The following TBL1XR1 variants were observed in gnomAD, a reference collection of about 807,000 sequenced individuals.
The protein encoded by TBL1XR1 is F-box-like/WD repeat-containing protein TBL1XR1.
In TBL1XR1, 5 loss-of-function variants were observed where a neutral mutation model predicts 66.9. The observed-to-expected ratio is 0.07, with a 90% confidence interval of 0.04 to 0.16. The LOEUF is 0.16. Ranked by LOEUF, TBL1XR1 falls within the 10% of genes least tolerant of loss-of-function variation. The probability of loss-of-function intolerance (pLI) is 1.00; values close to 1 mark genes in which losing one functional copy is unlikely to be tolerated. For synonymous variants in TBL1XR1, 210 were observed against 206.0 expected, an observed-to-expected ratio of 1.02 and a Z score of -0.17; for missense variants, 238 against 623.2, an observed-to-expected ratio of 0.38 and a Z score of 6.58.
chr3:177,133,009 C>T (rs1728481880), intron 1 of TBL1XR1, among the ~76,000 whole-genome samples: 1 of 152,226 alleles, frequency 6.6e-6, no homozygotes, highest in African/African-American at 2.4e-5. Context: ...AATGAATCGG[C>T]CAGGTGCGGT....
intron 14 of TBL1XR1, among the ~76,000 whole-genome samples, chr3:177,029,092 T>C (rs867553578): frequency 6.0e-5 from 9 of 150,742 alleles, no homozygotes; most frequent in African/African-American, 1.9e-4. Context: ...CTCAGTGATA[T>C]CTATAAGGAA....
At chr3:177,060,092 G>A (rs1053057936) in intron 3 of TBL1XR1, among the ~76,000 whole-genome samples, 2 of 152,110 alleles carry the variant, frequency 1.3e-5, no homozygotes, top group African/African-American at 4.8e-5. Context: ...TTTGGGACTT[G>A]GACTGATCCA....
At chr3:177,045,335 T>C (rs559744605) in intron 10 of TBL1XR1, among the ~76,000 whole-genome samples, 1 of 152,198 alleles carries the variant, frequency 6.6e-6, no homozygotes, top group East Asian at 1.9e-4. Context: ...CCACTGGGTA[T>C]CTTGTTCCAG....
chr3:177,163,024 G>C (rs1412657150), intron 1 of TBL1XR1, among the ~76,000 whole-genome samples: 1 of 152,152 alleles, frequency 6.6e-6, no homozygotes, highest in Non-Finnish European at 1.5e-5. Flanking sequence ...CGTATCCTTT[G>C]ACCCAGCAAT....
chr3:177,117,368 G>A (rs1341034467), intron 1 of TBL1XR1, among the ~76,000 whole-genome samples: 2 of 152,070 alleles, frequency 1.3e-5, no homozygotes, highest in Admixed American at 1.3e-4. Context: ...ATTTAATAAG[G>A]CTTCCATTAA....
At chr3:177,059,215 G>A (rs1718196680) in intron 3 of TBL1XR1, among the ~76,000 whole-genome samples, 1 of 152,126 alleles carries the variant, frequency 6.6e-6, no homozygotes, top group South Asian at 2.1e-4. Flanking sequence ...CGAATACACT[G>A]GTAATGTCTG....
intron 1 of TBL1XR1, among the ~76,000 whole-genome samples, chr3:177,162,248 TAC>T (rs1732302919): frequency 6.6e-6 from 1 of 152,134 alleles, no homozygotes. Context: ...AAAAAGAAAC[TAC>T]TGCTTGATAC....
intron 1 of TBL1XR1, chr3:177,099,591 T>A (rs1454960219): frequency 6.6e-6 from 1 of 152,266 alleles, no homozygotes; most frequent in African/African-American, 2.4e-5. Context: ...TTATGCCACA[T>A]ACACTATCCC....
chr3:177,090,605 G>A (rs1560163883), intron 2 of TBL1XR1, among the ~76,000 whole-genome samples: 1 of 150,724 alleles, frequency 6.6e-6, no homozygotes, highest in South Asian at 2.1e-4. Context: ...GGTGGATCAC[G>A]AGGTCAGGAG....
At position 177,133,876 on chromosome 3, in the gene TBL1XR1, CAAAAAAAA is replaced by C. The variant is rs541940840; in HGVS notation, c.-121-35343_-121-35336del. 6.6e-5 allele frequency among the ~76,000 whole-genome samples: 7 copies of C among 105,748 alleles called. 1 individual carries two copies. Among genetic ancestry groups the C allele is most frequent in the East Asian group, 2.7e-4 (1 of 3,740 alleles). The allele number at this position is 105,748 out of a possible 152,430, so 69.4% of individuals were successfully genotyped here. On this transcript the variant is annotated intron_variant, in intron 1 of 15. Transcript: ENST00000457928. ...GGGCGAAAGAGTGAGACTCCTATCT[CAAAAAAAA>C]AAAAAAAAAAAGTAACACTCCATGT...
At chr3:177,150,562 C>T (rs147359521) in intron 1 of TBL1XR1, among the ~76,000 whole-genome samples, 3 of 152,222 alleles carry the variant, frequency 2.0e-5, no homozygotes, top group Non-Finnish European at 4.4e-5. Context: ...AATACGATGT[C>T]TCTTTGAAGT....
At chr3:177,060,448 G>A (rs2108524524) in intron 3 of TBL1XR1, among the ~76,000 whole-genome samples, 1 of 152,210 alleles carries the variant, frequency 6.6e-6, no homozygotes, top group East Asian at 1.9e-4. Flanking sequence ...CTGTTTCATA[G>A]CTTCCAACAG....
intron 3 of TBL1XR1, among the ~76,000 whole-genome samples, chr3:177,058,427 T>C (rs1454834516): frequency 6.6e-6 from 1 of 152,218 alleles, no homozygotes; most frequent in Non-Finnish European, 1.5e-5. Flanking sequence ...CCCTTAAAAA[T>C]ACATGTAACT....
chr3:177,031,153 T>A (rs1250318491), intron 14 of TBL1XR1, among the ~76,000 whole-genome samples: 1 of 152,054 alleles, frequency 6.6e-6, no homozygotes, highest in Non-Finnish European at 1.5e-5. Flanking sequence ...TTTAGCTGGG[T>A]GTATGATTAG....
chr3:177,104,903 A>C (rs1724682814), intron 1 of TBL1XR1, among the ~76,000 whole-genome samples: 1 of 152,232 alleles, frequency 6.6e-6, no homozygotes, highest in Non-Finnish European at 1.5e-5. Context: ...TCACAGGGTA[A>C]GCAATGCAAT....
chr3:177,130,480 A>G (rs976335573), intron 1 of TBL1XR1, among the ~76,000 whole-genome samples: 1 of 152,162 alleles, frequency 6.6e-6, no homozygotes, highest in African/African-American at 2.4e-5. Flanking sequence ...ATATTCTACA[A>G]CGTTTTTGGG....
chr3:177,190,143 A>C (rs1577441766), intron 1 of TBL1XR1, among the ~76,000 whole-genome samples: 3 of 45,840 alleles, frequency 6.5e-5, no homozygotes, highest in Non-Finnish European at 7.5e-5. Flanking sequence ...CAAAAAAAAA[A>C]AAAAAAAAAA....
At chr3:177,065,104 T>C (rs2108540270) in intron 2 of TBL1XR1, 82 bp from the exon 3 acceptor site, 10 of 924,054 alleles carry the variant, frequency 1.1e-5, no homozygotes, top group Non-Finnish European at 1.5e-5. Context: ...AACCATTTGA[T>C]TTTATTAAAT....
chr3:177,196,286 CG>C (rs1249984148), intron 1 of TBL1XR1: 1 of 152,132 alleles, frequency 6.6e-6, no homozygotes, highest in African/African-American at 2.4e-5. Flanking sequence ...ACCCTCACAA[CG>C]TGGCCTTTAC....
Sources: gnomAD v4.1 joint callset for allele counts (sites outside exome capture counted in the v4.1 genomes callset) on GRCh38, gnomAD v4.1.1 for gene constraint, MANE v1.5 for transcripts, NCBI Gene and HGNC (gene_info 2026-07-23, HGNC 2026-07-21) for gene names.